Variants in KIRREL3 observed in about 807,000 individuals in gnomAD.
KIRREL3 encodes kirre like nephrin family adhesion molecule 3.
A neutral mutation model predicts 89.7 loss-of-function variants in KIRREL3; 36 were observed. The ratio of observed to expected loss-of-function variants is 0.40; its 90% CI spans 0.31 to 0.53. The LOEUF (loss-of-function observed/expected upper bound fraction) is 0.53, where lower values mean the gene tolerates loss of function less well. KIRREL3 is among the 20% of genes least tolerant of loss of function. The pLI is 0.49. For synonymous variants in KIRREL3, 445 were observed against 441.4 expected (o/e 1.01, Z -0.10); for missense variants, 864 against 1,056.6 (o/e 0.82, Z 2.53).
chr11:126,498,433 G>A lies in KIRREL3; in HGVS notation c.433+22882C>T, dbSNP rs1366875845. Among the ~76,000 whole-genome samples, 1 of 152,150 alleles carries A rather than the reference G, an allele frequency of 6.6e-6. No homozygotes were observed. The highest frequency in any genetic ancestry group is 1.5e-5 in the Non-Finnish European group (1 of 68,028). On this transcript the variant is annotated intron_variant, in intron 4 of 16. Coordinates refer to ENST00000525144, the MANE Select transcript of KIRREL3 (RefSeq NM_032531.4). This position sits in a 1 kb window ranked among gnomAD's most constrained non-coding sequence, Gnocchi z 4.3. ...TGTTCCTAATCAGCCAGTGTATCAG[G>A]AAAGACCTGCTGCTAATTGTCGCTA...
chr11:126,923,705 A>T (rs1947574016), intron 1 of KIRREL3, among the ~76,000 whole-genome samples: 1 of 151,982 alleles, frequency 6.6e-6, no homozygotes, highest in Non-Finnish European at 1.5e-5. Flanking sequence ...CGGCCTCCCA[A>T]AGTGCTAGGA....
chr11:126,961,112 C>T (rs1189110997), intron 1 of KIRREL3, among the ~76,000 whole-genome samples: 1 of 152,116 alleles, frequency 6.6e-6, no homozygotes, highest in Non-Finnish European at 1.5e-5. Flanking sequence ...CTCAAGCCTC[C>T]CTATTCCATG....
intron 4 of KIRREL3, among the ~76,000 whole-genome samples, chr11:126,488,890 G>A (rs1485726878): frequency 2.6e-5 from 4 of 152,196 alleles, no homozygotes; most frequent in Admixed American, 6.5e-5. Context: ...CCCCGTGCCC[G>A]TCTCCAGCCA....
rs1202181479 is a variant in KIRREL3, at chr11:126,455,976, A to G, written c.848+373T>C. Among the ~76,000 whole-genome samples the G allele has an allele frequency of 6.6e-6, 1 of 150,448 alleles. No homozygotes were observed. Among genetic ancestry groups the G allele is most frequent in the Non-Finnish European group, 1.5e-5 (1 of 67,814 alleles). On this transcript the variant is annotated intron_variant, in intron 7 of 16. Transcript: ENST00000525144. This position sits in a 1 kb window ranked among gnomAD's most constrained non-coding sequence, Gnocchi z 6.4. ...CAGGTGAACCAGTTTGATGGGCACA[A>G]GACTAGAATGGAGGTTCTGATCTTG...
In KIRREL3 at chr11:126,837,995, A is replaced by C. The variant is rs1446007259; in HGVS notation, c.55+162460T>G. ...GGAATTCACGTTATTTATATTACTAATCCTGTCCCCAGACCTGTAAGTCAT... is the reference window on the plus strand; with the variant it reads ...GGAATTCACGTTATTTATATTACTACTCCTGTCCCCAGACCTGTAAGTCAT... On this transcript the variant is annotated intron_variant, in intron 1 of 16. Transcript: ENST00000525144. The surrounding 1 kb of genome is among the most constrained non-coding windows in gnomAD (Gnocchi z 4.7). 6.6e-6 allele frequency among the ~76,000 whole-genome samples: 1 copy of C among 152,190 alleles called. No individual in the cohort carries two copies. Among genetic ancestry groups the C allele is most frequent in the African/African-American group, 2.4e-5 (1 of 41,452 alleles).
intron 1 of KIRREL3, among the ~76,000 whole-genome samples, chr11:126,968,543 G>A (rs1353227658): frequency 2.0e-5 from 3 of 152,142 alleles, no homozygotes; most frequent in African/African-American, 7.2e-5. Context: ...GCTCACCAGC[G>A]CCTTGTAAAA....
In KIRREL3 at chr11:126,456,532, G is replaced by A; in HGVS notation, c.743-78C>T. 3 of 952,992 alleles carry A rather than the reference G, an allele frequency of 3.1e-6. No homozygotes were observed. The South Asian group carries it at 4.6e-5, about 15-fold the overall frequency. 59.0% of individuals were successfully genotyped at this position (952,992 alleles called of 1,614,324 possible). A position where few individuals can be genotyped will look rare whatever the true frequency, so the allele number is the denominator to read the frequency against. On this transcript the variant is annotated intron_variant, in intron 6 of 16. Coordinates refer to ENST00000525144, the MANE Select transcript of KIRREL3 (RefSeq NM_032531.4). ...GATCCTGGGCGACATGGAGGATACA[G>A]CCAGAGACTCCACCACCCAGGGACC...
rs577433350 is a variant in KIRREL3 at position 126,703,796 on chromosome 11, T to C, written c.56-140884A>G. Among the ~76,000 whole-genome samples, 12 of 152,296 alleles carry C rather than the reference T, an allele frequency of 7.9e-5. No homozygotes were observed. The highest frequency in any genetic ancestry group is 1.3e-4 in the Non-Finnish European group (9 of 68,024). ...GAGAATGGGGAGCCCTTGCAGAATG[T>C]GGTTGGATCCTTCTCTCTTGGCTCT... On this transcript the variant is annotated intron_variant, in intron 1 of 16. Coordinates refer to ENST00000525144, the MANE Select transcript of KIRREL3 (RefSeq NM_032531.4). The surrounding 1 kb of genome is among the most constrained non-coding windows in gnomAD (Gnocchi z 4.6).
chr11:126,426,808 C>T (rs1954955845), intron 15 of KIRREL3, among the ~76,000 whole-genome samples: 1 of 152,232 alleles, frequency 6.6e-6, no homozygotes, highest in African/African-American at 2.4e-5. Context: ...AGTGCGGCCA[C>T]CCGGCTGCCT....
intron 1 of KIRREL3, chr11:126,988,532 C>T (rs1949935985): frequency 6.5e-6 from 1 of 152,692 alleles, no homozygotes; most frequent in Non-Finnish European, 1.5e-5. Context: ...AATACTGGTG[C>T]CTCCACAGCC....
Position 126,587,998 on chromosome 11 carries a change from C to T in KIRREL3, c.56-25086G>A, listed in dbSNP as rs1022641960. Among the ~76,000 whole-genome samples, 7 of 152,028 alleles carry T rather than the reference C, an allele frequency of 4.6e-5. No individual in the cohort carries two copies. The highest frequency in any genetic ancestry group is 1.7e-4 in the African/African-American group (7 of 41,406). ...GACTGGAAGACTCAGATCTAGGGCT[C>T]GGGGGAAAGCATTGGGCCATGAGGT... is the stretch of plus-strand genomic sequence containing the variant. On this transcript the variant is annotated intron_variant, in intron 1 of 16. Coordinates refer to ENST00000525144, the MANE Select transcript of KIRREL3 (RefSeq NM_032531.4). This position sits in a 1 kb window ranked among gnomAD's most constrained non-coding sequence, Gnocchi z 5.2.
chr11:126,521,267 C>T lies in KIRREL3; in HGVS notation c.433+48G>A. The T allele has an allele frequency of 1.4e-6, 2 of 1,472,096 alleles. No homozygotes were observed. Among genetic ancestry groups the T allele is most frequent in the Non-Finnish European group, 1.8e-6 (2 of 1,103,178 alleles). 91.2% of individuals were successfully genotyped at this position (1,472,096 alleles called of 1,614,324 possible). On this transcript the variant is annotated intron_variant, in intron 4 of 16. Transcript: ENST00000525144. This position sits in a 1 kb window ranked among gnomAD's most constrained non-coding sequence, Gnocchi z 4.1. ...AAAAATACCCTCTTGGAGCTGAGCCCTTGGTGCTTCACGCAGTGTCCCAGC... is the reference window on the plus strand; with the variant it reads ...AAAAATACCCTCTTGGAGCTGAGCCTTTGGTGCTTCACGCAGTGTCCCAGC...
chr11:126,850,680 T>C (rs1944310617), intron 1 of KIRREL3, among the ~76,000 whole-genome samples: 1 of 152,082 alleles, frequency 6.6e-6, no homozygotes, highest in South Asian at 2.1e-4. Context: ...ACCAGGAACT[T>C]CAAAAGGCAG....
At position 126,687,317 on chromosome 11, in the gene KIRREL3, A is replaced by G. The variant is rs547608783; in HGVS notation, c.56-124405T>C. Among the ~76,000 whole-genome samples, 1 of 152,188 alleles carries G rather than the reference A, an allele frequency of 6.6e-6. No individual in the cohort carries two copies. Among genetic ancestry groups the G allele is most frequent in the East Asian group, 1.9e-4 (1 of 5,196 alleles). On this transcript the variant is annotated intron_variant, in intron 1 of 16. Coordinates refer to ENST00000525144, the MANE Select transcript of KIRREL3 (RefSeq NM_032531.4). This position sits in a 1 kb window ranked among gnomAD's most constrained non-coding sequence, Gnocchi z 4.6. ...ATCACAAAATTGCCTTCAAATTAGC[A>G]CAGAGAGGGAAAAATCAACGCATAC... is the stretch of plus-strand genomic sequence containing the variant.
intron 1 of KIRREL3, among the ~76,000 whole-genome samples, chr11:126,923,129 C>CTTCTTCTTCTTCTTCT (rs1555090094): frequency 2.3e-4 from 6 of 25,732 alleles, no homozygotes; most frequent in African/African-American, 3.9e-4. Context: ...TCTCCTTCTT[C>CTTCTTCTTCTTCTTCT]TCTTCTTCTT....
chr11:126,545,386 C>CA (rs1938734676), intron 2 of KIRREL3, among the ~76,000 whole-genome samples: 1 of 152,086 alleles, frequency 6.6e-6, no homozygotes, highest in Non-Finnish European at 1.5e-5. Context: ...TGCACTGCCC[C>CA]ATCTGTCCTT....
intron 1 of KIRREL3, among the ~76,000 whole-genome samples, chr11:126,929,969 C>T (rs1444904065): frequency 6.6e-6 from 1 of 151,812 alleles, no homozygotes; most frequent in Non-Finnish European, 1.5e-5. Context: ...CCCACCTCAC[C>T]GATTCCCAAG....
In KIRREL3 at chr11:126,527,670, G is replaced by A. The variant is rs1437924762; in HGVS notation, c.134-983C>T. 1.3e-5 allele frequency among the ~76,000 whole-genome samples: 2 copies of A among 152,158 alleles called. No homozygotes were observed. The highest frequency in any genetic ancestry group is 2.9e-5 in the Non-Finnish European group (2 of 68,020). ...TATCACCGTGGCAACACTCGAATGG[G>A]GCATTGTCAACCCCATTTGACAGGA... On this transcript the variant is annotated intron_variant, in intron 2 of 16. Transcript: ENST00000525144. This position sits in a 1 kb window ranked among gnomAD's most constrained non-coding sequence, Gnocchi z 4.2.
At chr11:126,786,671 G>A (rs1251589134) in intron 1 of KIRREL3, among the ~76,000 whole-genome samples, 2 of 152,210 alleles carry the variant, frequency 1.3e-5, no homozygotes. Context: ...GGCTAGTTGA[G>A]GAAAACAGGC....
Sources: allele counts gnomAD v4.1 joint callset (sites outside exome capture counted in the v4.1 genomes callset), GRCh38; gene constraint gnomAD v4.1.1; non-coding constraint Gnocchi (gnomAD v3.1); transcripts MANE v1.5; gene names NCBI Gene and HGNC (gene_info 2026-07-23, HGNC 2026-07-21).